NRG1: variants seen among roughly 807,000 people sequenced by gnomAD.
NRG1 encodes pro-neuregulin-1, membrane-bound isoform.
Under a neutral mutation model 63.8 loss-of-function variants are expected in NRG1, and 18 were observed. That is an observed-to-expected ratio of 0.28 (90% CI 0.19 to 0.42). NRG1 has a LOEUF of 0.42. Among genes scored for constraint, NRG1 ranks in the 10% least tolerant of loss-of-function variants. The probability of loss-of-function intolerance (pLI) is 1.00; values close to 1 mark genes in which losing one functional copy is unlikely to be tolerated. For missense variants in NRG1, 762 were observed against 814.7 expected (o/e 0.94, Z 0.79); for synonymous variants, 302 against 301.3 (o/e 1.00, Z -0.02).
intron 1 of NRG1, among the ~76,000 whole-genome samples, chr8:32,479,571 T>G (rs994955098): frequency 8.5e-5 from 13 of 152,168 alleles, no homozygotes; most frequent in African/African-American, 3.1e-4. Context: ...GTAAAGGGGC[T>G]TAGTGCAAAT....
intron 1 of NRG1, among the ~76,000 whole-genome samples, chr8:31,716,073 T>C (rs1453471735): frequency 6.6e-6 from 1 of 152,210 alleles, no homozygotes; most frequent in Non-Finnish European, 1.5e-5. Context: ...TACTTCCAGT[T>C]AGATTTTCAT....
chr8:32,030,159 T>C (rs1392418329), intron 1 of NRG1, among the ~76,000 whole-genome samples: 2 of 152,200 alleles, frequency 1.3e-5, no homozygotes, highest in African/African-American at 2.4e-5. Flanking sequence ...CAAAATACAG[T>C]GCACATAAGA....
chr8:32,747,834 C>G (rs1187983359), intron 7 of NRG1, among the ~76,000 whole-genome samples: 1 of 150,742 alleles, frequency 6.6e-6, no homozygotes, highest in African/African-American at 2.4e-5. Flanking sequence ...CCGGAGCTTA[C>G]AGAGTTTTTC....
At chr8:32,406,991 T>G (rs1354423806) in intron 1 of NRG1, among the ~76,000 whole-genome samples, 2 of 151,950 alleles carry the variant, frequency 1.3e-5, no homozygotes, top group Admixed American at 6.6e-5. Flanking sequence ...GGTATCAGGC[T>G]ATCATGGGAA....
At chr8:31,914,616 A>G (rs892415127) in intron 1 of NRG1, among the ~76,000 whole-genome samples, 3 of 152,138 alleles carry the variant, frequency 2.0e-5, no homozygotes, top group African/African-American at 7.2e-5. Flanking sequence ...TGTTTGAGAC[A>G]AACATTTTAA....
At chr8:32,738,537 T>G (rs2129033880) in intron 6 of NRG1, among the ~76,000 whole-genome samples, 1 of 152,272 alleles carries the variant, frequency 6.6e-6, no homozygotes, top group Admixed American at 6.5e-5. Flanking sequence ...TTGCTCAAAC[T>G]CATGCCAAAG....
At chr8:32,139,870 G>A (rs1836016760) in intron 1 of NRG1, among the ~76,000 whole-genome samples, 1 of 152,150 alleles carries the variant, frequency 6.6e-6, no homozygotes, top group African/African-American at 2.4e-5. Context: ...CTGACTTTGG[G>A]GATACAAAGT....
At chr8:32,072,283 GAAAAAA>G (rs765907624) in intron 1 of NRG1, among the ~76,000 whole-genome samples, 1 of 125,846 alleles carries the variant, frequency 7.9e-6, no homozygotes, top group Non-Finnish European at 1.7e-5. Context: ...CCTTGTGATT[GAAAAAA>G]AAAAAAAAAG....
intron 5 of NRG1, among the ~76,000 whole-genome samples, chr8:32,727,529 AAAAT>A (rs1262362529): frequency 1.3e-5 from 2 of 152,236 alleles, no homozygotes; most frequent in African/African-American, 4.8e-5. Context: ...AAACATTTCA[AAAAT>A]AAATAATTTT....
intron 1 of NRG1, among the ~76,000 whole-genome samples, chr8:31,927,231 T>C (rs1266120134): frequency 1.3e-5 from 2 of 152,038 alleles, no homozygotes; most frequent in Non-Finnish European, 2.9e-5. Context: ...ATCCCTGGAA[T>C]GGGCATCATT....
chr8:32,429,159 G>T (rs750127217), intron 1 of NRG1, among the ~76,000 whole-genome samples: 2 of 152,058 alleles, frequency 1.3e-5, no homozygotes, highest in Non-Finnish European at 2.9e-5. Flanking sequence ...AAACGAACAG[G>T]CTGTATGTTT....
intron 1 of NRG1, among the ~76,000 whole-genome samples, chr8:32,255,268 T>G (rs1027307240): frequency 6.6e-6 from 1 of 152,234 alleles, no homozygotes; most frequent in Admixed American, 6.5e-5. Context: ...TGTTAGTTGA[T>G]GCAGTTTCTT....
chr8:32,418,632 C>G (rs1816274148), intron 1 of NRG1, among the ~76,000 whole-genome samples: 2 of 151,940 alleles, frequency 1.3e-5, no homozygotes, highest in African/African-American at 4.8e-5. Flanking sequence ...AATGATAAGT[C>G]TATAAGGTAT....
chr8:31,866,112 C>G (rs577670208), intron 1 of NRG1, among the ~76,000 whole-genome samples: 1 of 152,262 alleles, frequency 6.6e-6, no homozygotes, highest in South Asian at 2.1e-4. Context: ...TTCTCTCAGG[C>G]TCTTTTGGGA....
intron 1 of NRG1, among the ~76,000 whole-genome samples, chr8:31,897,821 C>T (rs1831703546): frequency 6.6e-6 from 1 of 151,248 alleles, no homozygotes; most frequent in Non-Finnish European, 1.5e-5. Context: ...TCGAGACAAG[C>T]CTGGCCAACA....
At chr8:32,460,594 T>A (rs1429186461) in intron 1 of NRG1, among the ~76,000 whole-genome samples, 3 of 152,170 alleles carry the variant, frequency 2.0e-5, no homozygotes, top group Non-Finnish European at 4.4e-5. Flanking sequence ...TTTCTATAGA[T>A]CCATTTATAA....
intron 1 of NRG1, among the ~76,000 whole-genome samples, chr8:31,822,652 C>A (rs1391570187): frequency 6.6e-6 from 1 of 152,154 alleles, no homozygotes; most frequent in African/African-American, 2.4e-5. Context: ...CCTGGCTTGA[C>A]AGACAAAAAT....
At chr8:31,853,600 T>C (rs1051459275) in intron 1 of NRG1, among the ~76,000 whole-genome samples, 1 of 151,198 alleles carries the variant, frequency 6.6e-6, no homozygotes, top group Admixed American at 6.6e-5. Flanking sequence ...GAATACCCTT[T>C]ATTTCCTTCT....
intron 1 of NRG1, among the ~76,000 whole-genome samples, chr8:31,791,677 C>T (rs1358607520): frequency 1.3e-5 from 2 of 152,076 alleles, no homozygotes; most frequent in Admixed American, 1.3e-4. Flanking sequence ...TTCATTTCAC[C>T]TGCTGCTGGA....
Sources: gnomAD v4.1 joint callset for allele counts (sites outside exome capture counted in the v4.1 genomes callset) on GRCh38, gnomAD v4.1.1 for gene constraint, MANE v1.5 for transcripts, NCBI Gene and HGNC (gene_info 2026-07-23, HGNC 2026-07-21) for gene names.